The following AP3B1 variants were observed in gnomAD, a reference collection of about 807,000 sequenced individuals.
The protein encoded by AP3B1 is AP-3 complex subunit beta-1.
A neutral mutation model predicts 132.5 loss-of-function variants in AP3B1; 61 were observed. That is an observed-to-expected ratio of 0.46 (90% CI 0.37 to 0.57). AP3B1 has a LOEUF of 0.57. AP3B1 is among the 20% of genes least tolerant of loss of function. The pLI is 0.00. For synonymous variants in AP3B1, 388 were observed against 438.3 expected (o/e 0.89, Z 1.43); for missense variants, 1,120 against 1,289.4 (o/e 0.87, Z 2.01).
At chr5:78,110,132 A>G in intron 20 of AP3B1, 75 bp downstream of exon 20, 1 of 1,284,356 alleles carries the variant, frequency 7.8e-7, no homozygotes, top group Non-Finnish European at 1.1e-6. Flanking sequence ...ACAGGAGTAG[A>G]TGAGGATGGT....
At chr5:78,254,776 T>G (rs1747786350) in intron 2 of AP3B1, among the ~76,000 whole-genome samples, 1 of 152,128 alleles carries the variant, frequency 6.6e-6, no homozygotes, top group Non-Finnish European at 1.5e-5. Context: ...CTGGTAATAG[T>G]AAGTACACAG....
intron 11 of AP3B1, among the ~76,000 whole-genome samples, chr5:78,166,479 T>G (rs1743634705): frequency 6.6e-6 from 1 of 152,200 alleles, no homozygotes; most frequent in African/African-American, 2.4e-5. Flanking sequence ...TCCTATAGTC[T>G]ACCATCCCAA....
At chr5:78,097,124 C>G (rs1750863883) in intron 21 of AP3B1, among the ~76,000 whole-genome samples, 3 of 129,434 alleles carry the variant, frequency 2.3e-5, no homozygotes. Context: ...GGTCAGCCCC[C>G]CACCCGGCCA....
chr5:78,175,087 T>C (rs1384602638), intron 11 of AP3B1, among the ~76,000 whole-genome samples: 1 of 152,258 alleles, frequency 6.6e-6, no homozygotes, highest in African/African-American at 2.4e-5. Flanking sequence ...AGCGCAGTTT[T>C]TGGGTGAGAG....
At chr5:78,269,011 T>C (rs1368518130) in intron 1 of AP3B1, among the ~76,000 whole-genome samples, 1 of 152,210 alleles carries the variant, frequency 6.6e-6, no homozygotes, top group African/African-American at 2.4e-5. Context: ...GTTAATACCA[T>C]AACACCTACT....
intron 22 of AP3B1, among the ~76,000 whole-genome samples, chr5:78,041,598 T>C (rs1561369773): frequency 6.6e-6 from 1 of 151,792 alleles, no homozygotes. Flanking sequence ...ATCATAAAAA[T>C]TTATGGGATA....
intron 1 of AP3B1, among the ~76,000 whole-genome samples, chr5:78,269,373 C>T (rs1748459741): frequency 2.0e-5 from 3 of 151,954 alleles, no homozygotes; most frequent in Non-Finnish European, 4.4e-5. Context: ...CAAAATAGGC[C>T]AGTTTTAAGT....
At chr5:78,214,384 CAAAT>C (rs558552790) in intron 7 of AP3B1, among the ~76,000 whole-genome samples, 7 of 152,002 alleles carry the variant, frequency 4.6e-5, no homozygotes, top group African/African-American at 1.2e-4. Context: ...AACAGAAAAA[CAAAT>C]AAACAGACAA....
At chr5:78,272,645 A>G (rs1015423647) in intron 1 of AP3B1, among the ~76,000 whole-genome samples, 1 of 152,206 alleles carries the variant, frequency 6.6e-6, no homozygotes, top group Non-Finnish European at 1.5e-5. Flanking sequence ...ATATGGGGGA[A>G]AAAAACAGAG....
chr5:78,087,698 C>A (rs1750323202), intron 22 of AP3B1: 4 of 984,916 alleles, frequency 4.1e-6, no homozygotes, highest in Non-Finnish European at 4.8e-6. Context: ...TAAATACTTT[C>A]CTTAGTATAA....
chr5:78,118,421 T>G (rs974741098), intron 17 of AP3B1, among the ~76,000 whole-genome samples: 2 of 152,188 alleles, frequency 1.3e-5, no homozygotes, highest in Admixed American at 6.5e-5. Flanking sequence ...TTCCCTTTCC[T>G]AGTCAAAGAA....
chr5:78,216,849 T>C (rs768714353), intron 6 of AP3B1, among the ~76,000 whole-genome samples: 13 of 152,268 alleles, frequency 8.5e-5, no homozygotes, highest in Non-Finnish European at 1.5e-4. Flanking sequence ...TTCATAACAA[T>C]GTGTATAAGT....
rs534408024 is a variant in AP3B1, at chr5:78,110,414, A to T, written c.2250-60T>A. ...TAACTCCTTTATATAAGCAGTTTAT[A>T]AAAAAATTGTTTTTAAATTCCAGAA... On this transcript the variant is annotated intron_variant, in intron 19 of 26. Transcript: ENST00000255194. The T allele has an allele frequency of 5.0e-5, 68 of 1,348,800 alleles. No individual in the cohort carries two copies. The East Asian group carries it at 1.5e-3, about 30-fold the overall frequency. 83.6% of individuals were successfully genotyped at this position (1,348,800 alleles called of 1,614,324 possible). A position where few individuals can be genotyped will look rare whatever the true frequency, so the allele number is the denominator to read the frequency against.
At chr5:78,115,996 AG>A in intron 18 of AP3B1, 129 bp downstream of exon 18, 1 of 725,820 alleles carries the variant, frequency 1.4e-6, no homozygotes. Flanking sequence ...TATAAATGAA[AG>A]GGATTATTTT....
intron 26 of AP3B1, chr5:78,003,536 T>C (rs1383788575): frequency 1.9e-6 from 1 of 513,052 alleles, no homozygotes; most frequent in South Asian, 8.5e-5. Flanking sequence ...TTTACGTACA[T>C]TATAAAATTC....
intron 7 of AP3B1, among the ~76,000 whole-genome samples, chr5:78,187,688 C>T (rs761113525): frequency 6.6e-6 from 1 of 152,122 alleles, no homozygotes; most frequent in Non-Finnish European, 1.5e-5. Flanking sequence ...AATGCTATTC[C>T]CATTAAACTA....
intron 19 of AP3B1, 52 bp downstream of exon 19, chr5:78,113,700 G>T (rs957792776): frequency 2.5e-6 from 4 of 1,599,542 alleles, no homozygotes; most frequent in Non-Finnish European, 2.6e-6. Context: ...CTCTGCCTGG[G>T]GCAAACTTTC....
At chr5:78,036,411 C>G (rs553503512) in intron 23 of AP3B1, among the ~76,000 whole-genome samples, 7 of 152,128 alleles carry the variant, frequency 4.6e-5, no homozygotes, top group Non-Finnish European at 8.8e-5. Context: ...CTGAAAAACA[C>G]TGGCTCTGTT....
At chr5:78,276,212 T>C (rs2112575067) in intron 1 of AP3B1, among the ~76,000 whole-genome samples, 1 of 152,198 alleles carries the variant, frequency 6.6e-6, no homozygotes, top group African/African-American at 2.4e-5. Flanking sequence ...GCTACAGGCA[T>C]GTGCTACCTT....
Sources: allele counts gnomAD v4.1 joint callset (sites outside exome capture counted in the v4.1 genomes callset), GRCh38; gene constraint gnomAD v4.1.1; transcripts MANE v1.5; gene names NCBI Gene and HGNC (gene_info 2026-07-23, HGNC 2026-07-21).